Variants in TMEM117 observed in about 807,000 individuals in gnomAD.
The protein encoded by TMEM117 is transmembrane protein 117.
Under a neutral mutation model 52.4 loss-of-function variants are expected in TMEM117, and 27 were observed. That is an observed-to-expected ratio of 0.51 (90% confidence interval 0.38 to 0.71). The LOEUF is 0.71. Ranked by LOEUF, TMEM117 falls within the 30% of genes least tolerant of loss-of-function variation. The pLI, the probability that TMEM117 is intolerant of heterozygous loss-of-function variation, is 0.00. For missense variants in TMEM117, 556 were observed against 630.5 expected, an observed-to-expected ratio of 0.88 and a Z score of 1.26; for synonymous variants, 215 against 206.3, an observed-to-expected ratio of 1.04 and a Z score of -0.36.
chr12:43,998,722 G>A (rs74084791), intron 3 of TMEM117, among the ~76,000 whole-genome samples: 232 of 152,140 alleles, frequency 1.5e-3, no homozygotes, highest in African/African-American at 5.1e-3. Context: ...TTGATAAATC[G>A]GACTACATTA....
upstream of TMEM117, among the ~76,000 whole-genome samples, chr12:43,835,452 G>A (rs1943010982): frequency 6.6e-6 from 1 of 152,040 alleles, no homozygotes; most frequent in Admixed American, 6.5e-5. Flanking sequence ...GCATCTCTAT[G>A]TGTGTATGAA....
At chr12:43,990,877 C>G (rs1036703939) in intron 3 of TMEM117, among the ~76,000 whole-genome samples, 1 of 152,158 alleles carries the variant, frequency 6.6e-6, no homozygotes, top group Non-Finnish European at 1.5e-5. Context: ...ATCCCTAATT[C>G]CATTCTAAAA....
At chr12:44,253,199 T>C (rs1191776580) in intron 5 of TMEM117, among the ~76,000 whole-genome samples, 1 of 152,166 alleles carries the variant, frequency 6.6e-6, no homozygotes. Context: ...GGGGAGTGTG[T>C]GTGGGAGGGA....
chr12:43,874,602 G>A (rs1468428332), intron 2 of TMEM117, among the ~76,000 whole-genome samples: 1 of 152,010 alleles, frequency 6.6e-6, no homozygotes, highest in Non-Finnish European at 1.5e-5. Flanking sequence ...AAAAAAGCAA[G>A]CAAACAAAAA....
At chr12:44,132,258 CAT>C (rs1343850083) in intron 3 of TMEM117, among the ~76,000 whole-genome samples, 1 of 150,526 alleles carries the variant, frequency 6.6e-6, no homozygotes, top group Non-Finnish European at 1.5e-5. Flanking sequence ...TGATGGGACT[CAT>C]ATGTGTATGT....
chr12:44,127,266 C>A (rs1042777774), intron 3 of TMEM117, among the ~76,000 whole-genome samples: 2 of 152,102 alleles, frequency 1.3e-5, no homozygotes, highest in Non-Finnish European at 2.9e-5. Flanking sequence ...AATATGATTT[C>A]TATGATAGTT....
intron 3 of TMEM117, among the ~76,000 whole-genome samples, chr12:44,098,942 G>T (rs780839748): frequency 1.3e-5 from 2 of 152,018 alleles, no homozygotes. Context: ...CTTGCCTCAG[G>T]TATGGCTGGC....
chr12:44,103,917 C>G (rs150154958), intron 3 of TMEM117, among the ~76,000 whole-genome samples: 8 of 151,948 alleles, frequency 5.3e-5, no homozygotes, highest in African/African-American at 1.9e-4. Context: ...TTCTCACTAA[C>G]TTTCATGTCA....
chr12:44,152,907 AT>A (rs1948774367), intron 4 of TMEM117, among the ~76,000 whole-genome samples: 1 of 148,210 alleles, frequency 6.7e-6, no homozygotes, highest in Admixed American at 6.9e-5. Context: ...TGATTCGTTA[AT>A]TATATTCTTA....
chr12:44,121,458 C>T (rs991428249), intron 3 of TMEM117, among the ~76,000 whole-genome samples: 6 of 152,070 alleles, frequency 3.9e-5, no homozygotes, highest in South Asian at 2.1e-4. Flanking sequence ...GTAAAGATGA[C>T]GGGGATGAAG....
intron 3 of TMEM117, among the ~76,000 whole-genome samples, chr12:44,140,712 GGTT>G (rs1475503685): frequency 6.6e-6 from 1 of 152,072 alleles, no homozygotes; most frequent in Non-Finnish European, 1.5e-5. Flanking sequence ...GGTAAGGGCT[GGTT>G]TATACTTTCA....
At chr12:44,065,456 C>A (rs1418051937) in intron 3 of TMEM117, among the ~76,000 whole-genome samples, 1 of 152,040 alleles carries the variant, frequency 6.6e-6, no homozygotes, top group Non-Finnish European at 1.5e-5. Flanking sequence ...TTTGGTCATA[C>A]CTTACTGCCT....
chr12:44,249,940 T>A (rs1950177051), intron 5 of TMEM117, among the ~76,000 whole-genome samples: 1 of 152,150 alleles, frequency 6.6e-6, no homozygotes, highest in Non-Finnish European at 1.5e-5. Context: ...GGGCAAAGAC[T>A]TCATGACTAA....
intron 4 of TMEM117, among the ~76,000 whole-genome samples, chr12:44,166,061 T>C (rs562170314): frequency 6.6e-6 from 1 of 152,206 alleles, no homozygotes; most frequent in Admixed American, 6.5e-5. Context: ...TGGAAATCAA[T>C]AACGTGAACT....
intron 2 of TMEM117, among the ~76,000 whole-genome samples, chr12:43,923,519 G>A (rs192508509): frequency 1.2e-4 from 19 of 152,268 alleles, no homozygotes; most frequent in Admixed American, 2.0e-4. Flanking sequence ...CAATGAGTCA[G>A]TATTTTTCAT....
At chr12:43,898,392 A>G (rs1731435) in intron 2 of TMEM117, among the ~76,000 whole-genome samples, 102,897 of 148,294 alleles carry the variant, frequency 0.69, 39,844 homozygotes, top group East Asian at 0.87. Flanking sequence ...AATTAATAAT[A>G]TATTAATAAT....
intron 2 of TMEM117, among the ~76,000 whole-genome samples, chr12:43,931,590 T>A (rs549594424): frequency 1.3e-5 from 2 of 152,212 alleles, no homozygotes; most frequent in African/African-American, 4.8e-5. Flanking sequence ...ACAACAGATT[T>A]CAAATATTTT....
intron 5 of TMEM117, among the ~76,000 whole-genome samples, chr12:44,241,905 G>A (rs145245066): frequency 1.0e-3 from 152 of 152,036 alleles, no homozygotes; most frequent in African/African-American, 3.5e-3. Flanking sequence ...ATTTTAACAT[G>A]TGGAGGAATG....
chr12:43,839,040 C>A (rs1217968426), intron 1 of TMEM117, among the ~76,000 whole-genome samples: 2 of 152,160 alleles, frequency 1.3e-5, no homozygotes, highest in Non-Finnish European at 2.9e-5. Context: ...CAGTTCCATT[C>A]TGGATTTTGC....
Sources: allele counts gnomAD v4.1 joint callset (sites outside exome capture counted in the v4.1 genomes callset), GRCh38; gene constraint gnomAD v4.1.1; transcripts MANE v1.5; gene names NCBI Gene and HGNC (gene_info 2026-07-23, HGNC 2026-07-21).